CMSS1: variants seen among roughly 807,000 people sequenced by gnomAD.
The protein encoded by CMSS1 is protein CMSS1.
CMSS1 carries 33 observed loss-of-function variants against 43.5 expected under a neutral mutation model. The observed-to-expected ratio is 0.76, with a 90% CI of 0.57 to 1.01. The LOEUF (loss-of-function observed/expected upper bound fraction) is 1.01, where lower values mean the gene tolerates loss of function less well. Ranked by LOEUF, CMSS1 falls within the 50% of genes least tolerant of loss-of-function variation. The pLI is 0.00. For missense variants in CMSS1, 313 were observed against 326.4 expected (o/e 0.96, Z 0.32); for synonymous variants, 115 against 117.2 (o/e 0.98, Z 0.12).
chr3:100,040,440 C>T (rs953208109), intron 1 of CMSS1: 2 of 152,078 alleles, frequency 1.3e-5, no homozygotes, highest in African/African-American at 4.8e-5. Context: ...ACAGATGTGA[C>T]CGTGGTTTTA....
intron 1 of CMSS1, among the ~76,000 whole-genome samples, chr3:100,050,594 C>T (rs2065354759): frequency 6.6e-6 from 1 of 152,074 alleles, no homozygotes; most frequent in Non-Finnish European, 1.5e-5. Flanking sequence ...TGCAGTGGTA[C>T]AATCTCTGCT....
intron 1 of CMSS1, among the ~76,000 whole-genome samples, chr3:99,943,994 T>C (rs1401050392): frequency 6.6e-6 from 1 of 152,178 alleles, no homozygotes; most frequent in African/African-American, 2.4e-5. Flanking sequence ...TAGGAACTCA[T>C]AGCTTATCCT....
At chr3:100,135,558 ATCTTCGAAC>A (rs1163652759) in intron 1 of CMSS1, among the ~76,000 whole-genome samples, 1 of 150,752 alleles carries the variant, frequency 6.6e-6, no homozygotes, top group Non-Finnish European at 1.5e-5. Context: ...AGCTCATTGT[ATCTTCGAAC>A]TCCTCAGCTC....
At chr3:99,832,602 C>T (rs1371286570) in intron 1 of CMSS1, among the ~76,000 whole-genome samples, 3 of 141,580 alleles carry the variant, frequency 2.1e-5, no homozygotes, top group Non-Finnish European at 4.6e-5. Context: ...CAGCACTTTG[C>T]GAGGCTGAGG....
chr3:100,029,817 G>C (rs1474057862), intron 1 of CMSS1, among the ~76,000 whole-genome samples: 2 of 152,080 alleles, frequency 1.3e-5, no homozygotes, highest in Non-Finnish European at 2.9e-5. Context: ...GTGACCAAAA[G>C]GGCAGATTCT....
chr3:100,087,828 T>C (rs977562309), intron 1 of CMSS1, among the ~76,000 whole-genome samples: 1 of 149,226 alleles, frequency 6.7e-6, no homozygotes, highest in African/African-American at 2.5e-5. Context: ...TCCTATTGTT[T>C]CAACTTTTTT....
intron 1 of CMSS1, chr3:99,847,829 A>T: frequency 2.1e-6 from 1 of 482,724 alleles, no homozygotes; most frequent in Non-Finnish European, 2.7e-6. Context: ...GTTTGTTTTT[A>T]AGGAAGAATT....
At position 99,980,026 on chromosome 3, in the gene CMSS1, G is replaced by T. The variant is rs191691695; in HGVS notation, c.64+161983G>T. Among the ~76,000 whole-genome samples the T allele has an allele frequency of 3.1e-3, 471 of 151,948 alleles. 4 individuals are homozygous for T. Among genetic ancestry groups the T allele is most frequent in the African/African-American group, 0.011 (445 of 41,556 alleles). ...GGACAGAAATTATTAAAGCAGCACT[G>T]GGGGGAAAGAATTCTAAGCAAAGAT... On this transcript the variant is annotated intron_variant, in intron 1 of 9. Transcript: ENST00000421999.
intron 1 of CMSS1, among the ~76,000 whole-genome samples, chr3:100,031,701 C>T (rs1165565300): frequency 6.6e-6 from 1 of 151,996 alleles, no homozygotes; most frequent in Non-Finnish European, 1.5e-5. Context: ...TGAGGATCTA[C>T]GACAAGAAGG....
At chr3:99,969,110 C>G (rs561868737) in intron 1 of CMSS1, among the ~76,000 whole-genome samples, 2 of 151,960 alleles carry the variant, frequency 1.3e-5, no homozygotes, top group South Asian at 4.2e-4. Context: ...AAAAGGGGGG[C>G]CATGTGTGGA....
chr3:100,033,715 TA>T (rs1042992030), intron 1 of CMSS1, among the ~76,000 whole-genome samples: 4 of 151,588 alleles, frequency 2.6e-5, no homozygotes, highest in African/African-American at 4.8e-5. Flanking sequence ...GAATTGATTT[TA>T]AAAAAAAACC....
At chr3:99,906,597 T>G (rs1019988861) in intron 1 of CMSS1, among the ~76,000 whole-genome samples, 2 of 152,262 alleles carry the variant, frequency 1.3e-5, no homozygotes, top group African/African-American at 4.8e-5. Context: ...TTTTAACTTC[T>G]TCAAGGTCAT....
At chr3:99,969,843 G>C (rs1440367180) in intron 1 of CMSS1, among the ~76,000 whole-genome samples, 9 of 152,130 alleles carry the variant, frequency 5.9e-5, no homozygotes, top group Admixed American at 2.0e-4. Flanking sequence ...TGTCACAAAG[G>C]GTATGTTAAA....
At chr3:100,168,906 CAT>C (rs1289183558) in intron 6 of CMSS1, among the ~76,000 whole-genome samples, 4 of 150,542 alleles carry the variant, frequency 2.7e-5, no homozygotes, top group African/African-American at 9.8e-5. Flanking sequence ...TATATATACA[CAT>C]ATATATACAC....
chr3:99,885,335 T>C (rs1348919766), intron 1 of CMSS1, among the ~76,000 whole-genome samples: 1 of 152,238 alleles, frequency 6.6e-6, no homozygotes, highest in Non-Finnish European at 1.5e-5. Context: ...ACTCTGAGAT[T>C]TATCTTCAAA....
At chr3:100,044,896 G>A (rs2065255700) in intron 1 of CMSS1, among the ~76,000 whole-genome samples, 1 of 152,140 alleles carries the variant, frequency 6.6e-6, no homozygotes, top group Non-Finnish European at 1.5e-5. Context: ...CTCTGCTTTG[G>A]TGACATTGCA....
chr3:99,964,857 C>G (rs893508878), intron 1 of CMSS1, among the ~76,000 whole-genome samples: 1 of 152,126 alleles, frequency 6.6e-6, no homozygotes, highest in Non-Finnish European at 1.5e-5. Flanking sequence ...TGGAAAAACT[C>G]TTTCCTAAGT....
intron 7 of CMSS1, 112 bp downstream of exon 7, chr3:100,172,011 T>C (rs2067114326): frequency 6.0e-6 from 5 of 837,634 alleles, no homozygotes; most frequent in Non-Finnish European, 9.6e-6. Context: ...TCCTTCCTTA[T>C]GTAACATTTA....
intron 1 of CMSS1, chr3:99,931,078 T>C: frequency 1.3e-6 from 2 of 1,483,740 alleles, no homozygotes; most frequent in Admixed American, 1.8e-5. Flanking sequence ...AATGGAGTTT[T>C]AATAAGAGTA....
Sources: gnomAD v4.1 joint callset for allele counts (sites outside exome capture counted in the v4.1 genomes callset) on GRCh38, gnomAD v4.1.1 for gene constraint, MANE v1.5 for transcripts, NCBI Gene and HGNC (gene_info 2026-07-23, HGNC 2026-07-21) for gene names.